Variants in ARHGAP17 observed in about 807,000 individuals in gnomAD.
The protein encoded by ARHGAP17 is Rho GTPase activating protein 17.
In ARHGAP17, 57 loss-of-function variants were observed where a neutral mutation model predicts 99.5. The observed-to-expected ratio is 0.57, with a 90% CI of 0.46 to 0.71. ARHGAP17 has a LOEUF of 0.71. Among genes scored for constraint, ARHGAP17 ranks in the 30% least tolerant of loss-of-function variants. The pLI, the probability that ARHGAP17 is intolerant of heterozygous loss-of-function variation, is 0.00. For synonymous variants in ARHGAP17, 417 were observed against 429.6 expected (o/e 0.97, Z 0.36); for missense variants, 1,000 against 1,122.4 (o/e 0.89, Z 1.56).
chr16:25,007,220 T>TAA (rs1257097576), intron 1 of ARHGAP17, among the ~76,000 whole-genome samples: 2 of 152,238 alleles, frequency 1.3e-5, no homozygotes, highest in African/African-American at 4.8e-5. Flanking sequence ...AATGCTAAAA[T>TAA]AAAGTGCTTA....
intron 3 of ARHGAP17, among the ~76,000 whole-genome samples, chr16:24,975,773 T>C (rs1199278765): frequency 3.3e-5 from 5 of 152,190 alleles, no homozygotes; most frequent in Admixed American, 3.3e-4. Flanking sequence ...CAATGTTGCA[T>C]GGGGTCTAAG....
chr16:24,965,837 A>T (rs1329060770), intron 6 of ARHGAP17, among the ~76,000 whole-genome samples: 1 of 152,262 alleles, frequency 6.6e-6, no homozygotes, highest in Non-Finnish European at 1.5e-5. Flanking sequence ...ATATGTGTGC[A>T]TGTGCACAGC....
At chr16:24,927,564 A>G (rs1315483293) in intron 19 of ARHGAP17, 2 of 262,284 alleles carry the variant, frequency 7.6e-6, no homozygotes, top group East Asian at 2.2e-4. Flanking sequence ...CAGTGCATGC[A>G]CTATTAGTAG....
chr16:24,964,144 C>T (rs2052098548), intron 7 of ARHGAP17, 53 bp downstream of exon 7: 1 of 1,191,470 alleles, frequency 8.4e-7, no homozygotes, highest in South Asian at 1.6e-5. Flanking sequence ...TTTGAACTTT[C>T]ATCCCTCATT....
intron 14 of ARHGAP17, among the ~76,000 whole-genome samples, chr16:24,944,648 G>A (rs560472895): frequency 5.9e-5 from 9 of 151,664 alleles, no homozygotes; most frequent in Middle Eastern, 3.4e-3. Flanking sequence ...ACAGAATCTC[G>A]CTCTATCGCC....
At chr16:24,930,578 T>C (rs2050954219) in intron 19 of ARHGAP17, 2 of 917,704 alleles carry the variant, frequency 2.2e-6, no homozygotes, top group Non-Finnish European at 3.6e-6. Context: ...TCAGCACCAA[T>C]GCAGCCACAG....
At chr16:24,936,326 T>C (rs1368436609) in intron 17 of ARHGAP17, 1 of 155,084 alleles carries the variant, frequency 6.4e-6, no homozygotes, top group Admixed American at 6.2e-5. Flanking sequence ...TATACCAAAC[T>C]CTGTAGCTCC....
At chr16:24,941,830 G>T in intron 16 of ARHGAP17, 157 bp downstream of exon 16, 1 of 946,954 alleles carries the variant, frequency 1.1e-6, no homozygotes, top group Non-Finnish European at 1.6e-6. Flanking sequence ...TTAGTGCTTG[G>T]AATGACCTAC....
intron 1 of ARHGAP17, among the ~76,000 whole-genome samples, chr16:25,011,399 T>C (rs1270034585): frequency 1.3e-5 from 2 of 152,158 alleles, no homozygotes; most frequent in East Asian, 1.9e-4. Context: ...GTGGACACAG[T>C]GCCTACCTAA....
At chr16:24,952,440 T>C in intron 11 of ARHGAP17, 70 bp from the exon 12 acceptor site, 5 of 1,286,748 alleles carry the variant, frequency 3.9e-6, no homozygotes, top group Non-Finnish European at 5.5e-6. Flanking sequence ...CATATTATTT[T>C]GCAAATTGAA....
At chr16:24,975,696 C>A (rs2052494126) in intron 3 of ARHGAP17, among the ~76,000 whole-genome samples, 1 of 152,200 alleles carries the variant, frequency 6.6e-6, no homozygotes, top group African/African-American at 2.4e-5. Flanking sequence ...ATAGTTCTCA[C>A]TTTTGAGACA....
chr16:24,974,457 T>C (rs1244647386), intron 3 of ARHGAP17, among the ~76,000 whole-genome samples: 1 of 151,962 alleles, frequency 6.6e-6, no homozygotes, highest in East Asian at 1.9e-4. Context: ...CAAAAAATGC[T>C]TAGCATCTCG....
At chr16:24,935,061 AC>A (rs759736237) in intron 18 of ARHGAP17, among the ~76,000 whole-genome samples, 2 of 152,160 alleles carry the variant, frequency 1.3e-5, no homozygotes, top group Non-Finnish European at 2.9e-5. Context: ...TGCAGGGAAG[AC>A]AGGTGGGAGC....
rs111658455 is a variant in ARHGAP17 at position 24,959,738 on chromosome 16, T to C, written c.657A>G (p.Gln219=). Residue 219 remains glutamine, a synonymous_variant, in exon 9 of 20, where the codon CAA becomes CAG. Transcript: ENST00000289968. ...GKFFVTLLEA[Q]ADYHRKALAV... ...CTAATGCTTTTCTATGGTAATCTGC[T>C]TGGGCTTCTAATAACTGAGAACAGA... 6.2e-7 allele frequency: 1 copy of C among 1,614,160 alleles called. No individual in the cohort carries two copies.
intron 1 of ARHGAP17, among the ~76,000 whole-genome samples, chr16:24,983,840 GCTGATA>G (rs1460175950): frequency 2.0e-5 from 3 of 152,154 alleles, no homozygotes; most frequent in African/African-American, 7.2e-5. Flanking sequence ...CTCAAGCAAG[GCTGATA>G]CCAGGCAGGA....
At chr16:25,002,725 T>C (rs182900128) in intron 1 of ARHGAP17, among the ~76,000 whole-genome samples, 6 of 152,236 alleles carry the variant, frequency 3.9e-5, no homozygotes, top group Admixed American at 3.3e-4. Context: ...AGTACAAAAA[T>C]GCAAAAGCAA....
At chr16:24,934,434 G>A (rs995064346) in intron 18 of ARHGAP17, among the ~76,000 whole-genome samples, 2 of 152,236 alleles carry the variant, frequency 1.3e-5, no homozygotes, top group Admixed American at 6.5e-5. Context: ...GGGATTACTG[G>A]TGTGAGCCAC....
rs554189050 is a variant in ARHGAP17 at position 24,964,450 on chromosome 16, T to C, written c.462-142A>G. On this transcript the variant is annotated intron_variant, in intron 6 of 19. Coordinates refer to ENST00000289968, the MANE Select transcript of ARHGAP17 (RefSeq NM_001006634.3). ...TCATTGCCCAGGATGCCAAATTCTC[T>C]TGAGCTTATTCTCTAAGAATGGAAG... 25 of 637,666 alleles carry C rather than the reference T, an allele frequency of 3.9e-5. No individual in the cohort carries two copies. The South Asian group carries it at 4.7e-4, about 12-fold the overall frequency. 39.5% of individuals were successfully genotyped at this position (637,666 alleles called of 1,614,324 possible).
In ARHGAP17 at chr16:24,955,401, T is replaced by C. The variant is rs1468447456; in HGVS notation, c.725-671A>G. ...GGCTATGCTGATGGCAGGAAAGCCA[T>C]ATTTTAGATTATCTTCAGGTTATGA... is the stretch of plus-strand genomic sequence containing the variant. On this transcript the variant is annotated intron_variant, in intron 9 of 19. Transcript: ENST00000289968. The surrounding 1 kb of genome is among the most constrained non-coding windows in gnomAD (Gnocchi z 4.0). 6.6e-6 allele frequency: 1 copy of C among 152,246 alleles called. No homozygotes were observed. Among genetic ancestry groups the C allele is most frequent in the Non-Finnish European group, 1.5e-5 (1 of 68,040 alleles). The allele number at this position is 152,246 out of a possible 1,614,324, so 9.4% of individuals were successfully genotyped here.
Sources: allele counts gnomAD v4.1 joint callset (sites outside exome capture counted in the v4.1 genomes callset), GRCh38; gene constraint gnomAD v4.1.1; non-coding constraint Gnocchi (gnomAD v3.1); transcripts MANE v1.5; gene names NCBI Gene and HGNC (gene_info 2026-07-23, HGNC 2026-07-21).